The following SLC13A3 variants were observed in gnomAD, a reference collection of about 807,000 sequenced individuals.
SLC13A3 encodes the protein Na(+)/dicarboxylate cotransporter 3.
In SLC13A3, 40 loss-of-function variants were observed where a neutral mutation model predicts 59.0. The observed-to-expected ratio is 0.68, with a 90% CI of 0.53 to 0.88. SLC13A3 has a LOEUF of 0.88. Ranked by LOEUF, SLC13A3 falls within the 40% of genes least tolerant of loss-of-function variation. The pLI, the probability that SLC13A3 is intolerant of heterozygous loss-of-function variation, is 0.00. For synonymous variants in SLC13A3, 317 were observed against 330.3 expected, an observed-to-expected ratio of 0.96 and a Z score of 0.44; for missense variants, 699 against 783.2, an observed-to-expected ratio of 0.89 and a Z score of 1.28.
In SLC13A3 at chr20:46,613,554, T is replaced by C. The variant is rs373198510; in HGVS notation, c.283A>G (p.Ser95Gly). 2.5e-6 allele frequency: 4 copies of C among 1,614,060 alleles called. No individual in the cohort carries two copies. Among genetic ancestry groups the C allele is most frequent in the Non-Finnish European group, 3.4e-6 (4 of 1,179,982 alleles). The change falls in exon 2 of 13, where the codon AGT becomes GGT. Residue 95 changes from serine (S) to glycine (G), a missense_variant. Transcript: ENST00000279027. ...ATGGCGCTGGCCATGATCAGCCCAC[T>C]GAGGAAGAGGAAGTTGGTGTCGAGG... The part of the protein sequence containing the change: ...YFLDTNFLFL[S>G]GLIMASAIEE...
intron 8 of SLC13A3, chr20:46,585,761 T>C: frequency 7.8e-7 from 1 of 1,288,520 alleles, no homozygotes; most frequent in Non-Finnish European, 1.0e-6. Context: ...AAATAAAGCA[T>C]CTACATTTTA....
At position 46,669,548 on chromosome 20, in the gene SLC13A3, G is replaced by A. The variant is rs1042027983; in HGVS notation, c.-31+495C>T. Among the ~76,000 whole-genome samples, 5 of 152,252 alleles carry A rather than the reference G, an allele frequency of 3.3e-5. No individual in the cohort carries two copies. In the South Asian group the frequency reaches 1.0e-3, roughly 32 times the overall value. ...CCTCAACTAGACTGTTCCCAAGCCTGCCATCATGCTCACCTTAGGGCAAAG... is the reference window on the plus strand; with the variant it reads ...CCTCAACTAGACTGTTCCCAAGCCTACCATCATGCTCACCTTAGGGCAAAG... On this transcript the variant is annotated intron_variant, in intron 1 of 12. Coordinates refer to the SLC13A3 transcript ENST00000290317.
chr20:46,582,593 A>AC (rs1280379051), intron 9 of SLC13A3: 1 of 971,764 alleles, frequency 1.0e-6, no homozygotes, highest in African/African-American at 1.8e-5. Context: ...ACAGAGTGAG[A>AC]CCCCATTAAA....
chr20:46,680,218 G>A (rs1235178092), intron 1 of SLC13A3, among the ~76,000 whole-genome samples: 2 of 152,174 alleles, frequency 1.3e-5, no homozygotes, highest in African/African-American at 4.8e-5. Flanking sequence ...AGAAGCTTTG[G>A]AATGGCAGCC....
chr20:46,589,262 CAG>C lies in SLC13A3; in HGVS notation c.921-9_921-8del. ...TTTATTCTTCCTCCAGCCCCTGAAA[CAG>C]AAAGTGGGAGATTAGGAGTGGCCAC... On this transcript the variant is annotated splice_region_variant and splice_polypyrimidine_tract_variant and intron_variant, in intron 6 of 12. Transcript: ENST00000279027. 1 of 1,613,804 alleles carries C rather than the reference CAG, an allele frequency of 6.2e-7. No individual in the cohort carries two copies.
At chr20:46,590,291 C>T (rs923047931) in intron 6 of SLC13A3, among the ~76,000 whole-genome samples, 1 of 151,796 alleles carries the variant, frequency 6.6e-6, no homozygotes, top group Non-Finnish European at 1.5e-5. Context: ...CCTTTCTAAA[C>T]TGTAACTGAA....
intron 10 of SLC13A3, among the ~76,000 whole-genome samples, chr20:46,571,007 G>T (rs973605127): frequency 2.4e-4 from 37 of 152,310 alleles, no homozygotes; most frequent in African/African-American, 8.9e-4. Flanking sequence ...GAGGCCTTAG[G>T]AAACTTACAA....
chr20:46,611,547 A>G (rs1441179590), intron 2 of SLC13A3, among the ~76,000 whole-genome samples: 2 of 152,170 alleles, frequency 1.3e-5, no homozygotes, highest in African/African-American at 4.8e-5. Context: ...AGCAGATGGC[A>G]CAGAGATAAT....
chr20:46,681,617 G>C (rs2063154178), intron 1 of SLC13A3: 2 of 152,228 alleles, frequency 1.3e-5, no homozygotes, highest in African/African-American at 4.8e-5. Context: ...AGTTCCCCAA[G>C]AGGTTCAGGC....
At chr20:46,608,821 A>T in intron 3 of SLC13A3, 6 of 1,498,396 alleles carry the variant, frequency 4.0e-6, no homozygotes, top group Non-Finnish European at 5.4e-6. Context: ...GAGGTAAATG[A>T]TCCAAAGCCA....
rs112496033 is a variant in SLC13A3 at position 46,683,479 on chromosome 20, G to T, written c.-31+917C>A. 3.0e-3 allele frequency among the ~76,000 whole-genome samples: 464 copies of T among 152,152 alleles called. 3 individuals carry two copies. The highest frequency in any genetic ancestry group is 0.011 in the African/African-American group (446 of 41,502). ...ACTCGCCTGCATAATAAAAGACTGG[G>T]GTGGGGGTGCCGAGATTCATACCCT... On this transcript the variant is annotated intron_variant, in intron 1 of 6. Coordinates refer to the SLC13A3 transcript ENST00000372121.
intron 3 of SLC13A3, among the ~76,000 whole-genome samples, chr20:46,603,803 A>C (rs2062406984): frequency 6.6e-6 from 1 of 152,064 alleles, no homozygotes; most frequent in Non-Finnish European, 1.5e-5. Flanking sequence ...TAAAAAAACA[A>C]GCAGTAGGCT....
At chr20:46,592,561 A>C in intron 5 of SLC13A3, 32 bp from the exon 6 acceptor site, 1 of 1,611,736 alleles carries the variant, frequency 6.2e-7, no homozygotes, top group Non-Finnish European at 8.5e-7. Flanking sequence ...GAACAGGCCA[A>C]GGGCAGCCAT....
Position 46,578,383 on chromosome 20 carries a change from A to G in SLC13A3, c.1220-2698T>C, listed in dbSNP as rs566318776. Among the ~76,000 whole-genome samples the G allele has an allele frequency of 8.5e-5, 13 of 152,166 alleles. No individual in the cohort carries two copies. The South Asian group carries it at 2.7e-3, about 32-fold the overall frequency. ...AGGGGGGAAGTCAGGTGATAAACAA[A>G]TAAATATACTGGCCGGGCATGGTGG... On this transcript the variant is annotated intron_variant, in intron 9 of 12. Coordinates refer to ENST00000279027, the MANE Select transcript of SLC13A3 (RefSeq NM_022829.6).
intron 1 of SLC13A3, among the ~76,000 whole-genome samples, chr20:46,661,415 A>G (rs750880931): frequency 4.6e-5 from 7 of 152,222 alleles, no homozygotes; most frequent in Non-Finnish European, 1.0e-4. Flanking sequence ...TCAGTTCATC[A>G]CTGGCTCCAA....
At chr20:46,612,124 C>CTTTTTTTTTTTTTTTTTTTTTTTT (rs57019153) in intron 2 of SLC13A3, among the ~76,000 whole-genome samples, 4 of 68,934 alleles carry the variant, frequency 5.8e-5, no homozygotes, top group African/African-American at 2.0e-4. Flanking sequence ...TCTCTCTTTG[C>CTTTTTTTTTTTTTTTTTTTTTTTT]TTTTTTTTTT....
At chr20:46,588,654 T>A (rs1326781624) in intron 7 of SLC13A3, among the ~76,000 whole-genome samples, 1 of 150,448 alleles carries the variant, frequency 6.6e-6, no homozygotes, top group East Asian at 2.0e-4. Flanking sequence ...TGGATGAAGG[T>A]GGAAAGAGAG....
chr20:46,611,598 G>A (rs904121126), intron 2 of SLC13A3, among the ~76,000 whole-genome samples: 10 of 152,050 alleles, frequency 6.6e-5, no homozygotes, highest in African/African-American at 2.2e-4. Context: ...CTTTTCCTAC[G>A]CCCTCCCCTG....
At chr20:46,609,109 C>A in intron 3 of SLC13A3, 2 of 1,532,956 alleles carry the variant, frequency 1.3e-6, no homozygotes, top group South Asian at 1.2e-5. Flanking sequence ...CCATTTCTGC[C>A]CACATATGTA....
Sources: allele counts gnomAD v4.1 joint callset (sites outside exome capture counted in the v4.1 genomes callset), GRCh38; gene constraint gnomAD v4.1.1; transcripts MANE v1.5; gene names NCBI Gene and HGNC (gene_info 2026-07-23, HGNC 2026-07-21).